The following EXOC6 variants were observed in gnomAD, a reference collection of about 807,000 sequenced individuals.
EXOC6 encodes the protein SEC15-like 1.
A neutral mutation model predicts 112.5 loss-of-function variants in EXOC6; 60 were observed. That is an observed-to-expected ratio of 0.53 (90% CI 0.43 to 0.66). The LOEUF is 0.66. EXOC6 is among the 30% of genes least tolerant of loss of function. The probability of loss-of-function intolerance (pLI) is 0.00; values close to 1 mark genes in which losing one functional copy is unlikely to be tolerated. For missense variants in EXOC6, 855 were observed against 957.1 expected (o/e 0.89, Z 1.41); for synonymous variants, 295 against 308.0 (o/e 0.96, Z 0.44).
chr10:92,984,294 TC>T (rs1842924123), intron 18 of EXOC6, among the ~76,000 whole-genome samples: 1 of 152,186 alleles, frequency 6.6e-6, no homozygotes, highest in Non-Finnish European at 1.5e-5. Context: ...CATATTTTTT[TC>T]CTTTTTGATG....
chr10:92,921,330 C>T (rs187384562), intron 8 of EXOC6, among the ~76,000 whole-genome samples: 10 of 150,728 alleles, frequency 6.6e-5, no homozygotes, highest in South Asian at 2.1e-4. Context: ...CTGCAACCTC[C>T]GCCTCCTGGG....
chr10:92,905,301 T>A (rs1850380396), intron 5 of EXOC6, among the ~76,000 whole-genome samples: 1 of 152,076 alleles, frequency 6.6e-6, no homozygotes, highest in Admixed American at 6.6e-5. Flanking sequence ...ACATTGTTGA[T>A]ATTCACAAAA....
At chr10:92,895,047 C>G (rs199531837) in intron 4 of EXOC6, 27 bp downstream of exon 4, 1 of 1,368,238 alleles carries the variant, frequency 7.3e-7, no homozygotes, top group African/African-American at 1.4e-5. Flanking sequence ...TATAATAAAA[C>G]GTTTGGCTTG....
chr10:92,908,401 A>G (rs1316621790), intron 5 of EXOC6, among the ~76,000 whole-genome samples: 1 of 152,002 alleles, frequency 6.6e-6, no homozygotes, highest in African/African-American at 2.4e-5. Flanking sequence ...CATAGTTTCT[A>G]TCAACTTACT....
chr10:92,996,479 T>C (rs1178793578), intron 18 of EXOC6, among the ~76,000 whole-genome samples: 2 of 151,944 alleles, frequency 1.3e-5, no homozygotes, highest in African/African-American at 4.8e-5. Context: ...TAGCCAGGCG[T>C]GGTGGTGGGC....
intron 20 of EXOC6, 96 bp downstream of exon 20, chr10:93,014,363 C>T (rs1448534636): frequency 4.3e-6 from 4 of 920,232 alleles, no homozygotes; most frequent in Admixed American, 2.1e-5. Flanking sequence ...TGCCTGTTTG[C>T]CTTGAAACAA....
At chr10:92,870,862 A>G (rs1449526198) in intron 1 of EXOC6, among the ~76,000 whole-genome samples, 1 of 152,072 alleles carries the variant, frequency 6.6e-6, no homozygotes, top group Non-Finnish European at 1.5e-5. Context: ...GGCATGCGCC[A>G]CCACGCCCAG....
In EXOC6 at chr10:92,975,290, C is replaced by G. The variant is rs529090991; in HGVS notation, c.1953+1058C>G. ...CTGGGAGGTGAGGAGCGTCTCTGCT[C>G]GGCCGCCCCGTCTGAGAAGTGAGGA... On this transcript the variant is annotated intron_variant, in intron 18 of 21. Coordinates refer to ENST00000260762, the MANE Select transcript of EXOC6 (RefSeq NM_019053.6). 2.6e-5 allele frequency among the ~76,000 whole-genome samples: 4 copies of G among 151,526 alleles called. No homozygotes were observed. In the South Asian group the frequency reaches 8.3e-4, roughly 32 times the overall value.
At chr10:93,000,354 A>G (rs1843704141) in intron 19 of EXOC6, among the ~76,000 whole-genome samples, 1 of 152,172 alleles carries the variant, frequency 6.6e-6, no homozygotes, top group Non-Finnish European at 1.5e-5. Flanking sequence ...AACACCCTGG[A>G]ATCTTTGCCT....
chr10:92,914,046 C>T (rs190598130), intron 6 of EXOC6, among the ~76,000 whole-genome samples: 283 of 152,298 alleles, frequency 1.9e-3, no homozygotes, highest in African/African-American at 6.4e-3. Context: ...GTTCCTAGCC[C>T]CCAGGCCGTG....
chr10:93,041,103 T>C (rs564448311), intron 20 of EXOC6, among the ~76,000 whole-genome samples: 10 of 152,298 alleles, frequency 6.6e-5, no homozygotes, highest in Admixed American at 4.6e-4. Context: ...ACATCCCTTT[T>C]TCATGTTGTC....
chr10:92,897,866 G>A (rs182579296), intron 4 of EXOC6, among the ~76,000 whole-genome samples: 66 of 152,218 alleles, frequency 4.3e-4, no homozygotes, highest in African/African-American at 1.5e-3. Flanking sequence ...CATCTTACAC[G>A]TATTGATTGA....
At chr10:93,052,810 T>A (rs1846361994) in intron 20 of EXOC6, among the ~76,000 whole-genome samples, 1 of 152,204 alleles carries the variant, frequency 6.6e-6, no homozygotes, top group African/African-American at 2.4e-5. Flanking sequence ...ATTGTAAAAT[T>A]GCTTTTGGGT....
intron 4 of EXOC6, among the ~76,000 whole-genome samples, chr10:92,896,179 ATATTTTTTTTTTTTTTTTTT>A (rs1170171415): frequency 0.043 from 567 of 13,066 alleles, 28 homozygotes; most frequent in Middle Eastern, 0.17. Flanking sequence ...ATATATATAT[ATATTTTTTTTTTTTTTTTTT>A]TTTTTTTTTT....
intron 1 of EXOC6, among the ~76,000 whole-genome samples, chr10:92,864,522 A>G (rs985092357): frequency 1.3e-5 from 2 of 152,194 alleles, no homozygotes; most frequent in African/African-American, 2.4e-5. Flanking sequence ...GGCTGCCCAG[A>G]TAGCTGGTGA....
intron 1 of EXOC6, among the ~76,000 whole-genome samples, chr10:92,890,855 G>C (rs1051362008): frequency 6.6e-6 from 1 of 152,228 alleles, no homozygotes; most frequent in Non-Finnish European, 1.5e-5. Context: ...CTTATGGGCT[G>C]TTGTAAGATA....
chr10:92,971,637 C>T (rs562982578), intron 17 of EXOC6, among the ~76,000 whole-genome samples: 1 of 152,286 alleles, frequency 6.6e-6, no homozygotes, highest in South Asian at 2.1e-4. Flanking sequence ...GCCTCGGCCT[C>T]CCAAAGTGCT....
At chr10:93,010,335 G>GTAAA (rs1399670614) in intron 19 of EXOC6, among the ~76,000 whole-genome samples, 2 of 152,156 alleles carry the variant, frequency 1.3e-5, no homozygotes, top group Non-Finnish European at 2.9e-5. Flanking sequence ...GATTAATGGA[G>GTAAA]TAAATGCCAG....
intron 8 of EXOC6, among the ~76,000 whole-genome samples, chr10:92,925,594 G>A (rs1176533790): frequency 6.6e-6 from 1 of 152,010 alleles, no homozygotes; most frequent in Non-Finnish European, 1.5e-5. Flanking sequence ...TGCACCTGGC[G>A]TTGGTGATAT....
Sources: allele counts gnomAD v4.1 joint callset (sites outside exome capture counted in the v4.1 genomes callset), GRCh38; gene constraint gnomAD v4.1.1; transcripts MANE v1.5; gene names NCBI Gene and HGNC (gene_info 2026-07-23, HGNC 2026-07-21).